Variants in SCML4 observed in about 807,000 individuals in gnomAD.
SCML4 encodes sex comb on midleg-like protein 4.
A neutral mutation model predicts 41.1 loss-of-function variants in SCML4; 34 were observed. The ratio of observed to expected loss-of-function variants is 0.83; its 90% CI spans 0.63 to 1.10. The LOEUF (loss-of-function observed/expected upper bound fraction) is 1.10, where lower values mean the gene tolerates loss of function less well. Among genes scored for constraint, SCML4 ranks in the 50% least tolerant of loss-of-function variants. The probability of loss-of-function intolerance (pLI) is 0.00; values close to 1 mark genes in which losing one functional copy is unlikely to be tolerated. For synonymous variants in SCML4, 214 were observed against 220.9 expected (o/e 0.97, Z 0.28); for missense variants, 522 against 534.1 (o/e 0.98, Z 0.22).
chr6:107,785,723 G>C (rs1253376015), intron 1 of SCML4, among the ~76,000 whole-genome samples: 5 of 152,230 alleles, frequency 3.3e-5, no homozygotes, highest in African/African-American at 1.2e-4. Context: ...TAAATAGCTA[G>C]TAAGGGAGAG....
chr6:107,823,299 C>A (rs1785081746), intron 1 of SCML4, among the ~76,000 whole-genome samples: 1 of 152,156 alleles, frequency 6.6e-6, no homozygotes, highest in Non-Finnish European at 1.5e-5. Flanking sequence ...GACTCAAGCA[C>A]CTCAACTCAG....
At chr6:107,780,979 A>C (rs1781445629) in intron 1 of SCML4, among the ~76,000 whole-genome samples, 1 of 152,104 alleles carries the variant, frequency 6.6e-6, no homozygotes. Context: ...TTTATATTCA[A>C]AAGACTTAAA....
chr6:107,776,372 T>G (rs1185086342), intron 1 of SCML4, among the ~76,000 whole-genome samples: 1 of 151,676 alleles, frequency 6.6e-6, no homozygotes, highest in East Asian at 1.9e-4. Flanking sequence ...ACCCACCCAA[T>G]AAAAGTGAAA....
chr6:107,726,167 G>A (rs796695796), intron 5 of SCML4, among the ~76,000 whole-genome samples: 16 of 151,910 alleles, frequency 1.1e-4, no homozygotes, highest in African/African-American at 3.6e-4. Flanking sequence ...ATTTGATCAG[G>A]GACTTGTATA....
At chr6:107,768,795 A>G (rs1476171750) in intron 2 of SCML4, among the ~76,000 whole-genome samples, 1 of 152,248 alleles carries the variant, frequency 6.6e-6, no homozygotes, top group African/African-American at 2.4e-5. Flanking sequence ...TTGGGGACAA[A>G]CAACTACTTT....
At chr6:107,756,559 G>GGAATA (rs1319860895) in intron 2 of SCML4, among the ~76,000 whole-genome samples, 2 of 151,946 alleles carry the variant, frequency 1.3e-5, no homozygotes, top group African/African-American at 4.8e-5. Flanking sequence ...ATGGGATCCT[G>GGAATA]GAATAGAATA....
At chr6:107,729,834 G>T (rs1385313306) in intron 5 of SCML4, among the ~76,000 whole-genome samples, 1 of 152,188 alleles carries the variant, frequency 6.6e-6, no homozygotes, top group Non-Finnish European at 1.5e-5. Context: ...TTCAGGCAGG[G>T]TGTTGTCTAG....
intron 1 of SCML4, among the ~76,000 whole-genome samples, chr6:107,774,984 G>A (rs1163810547): frequency 6.6e-6 from 1 of 150,922 alleles, no homozygotes; most frequent in East Asian, 1.9e-4. Flanking sequence ...GTGACAGAGT[G>A]AGACTCCATC....
At chr6:107,766,816 TTG>T (rs769760009) in intron 2 of SCML4, among the ~76,000 whole-genome samples, 1 of 152,164 alleles carries the variant, frequency 6.6e-6, no homozygotes, top group Non-Finnish European at 1.5e-5. Context: ...GGCCCCTGCC[TTG>T]TGACTGTGTC....
Position 107,772,155 on chromosome 6 carries a change from A to G in SCML4, c.156+17T>C, listed in dbSNP as rs147650245. On this transcript the variant is annotated intron_variant, in intron 2 of 7. Coordinates refer to ENST00000369020, the MANE Select transcript of SCML4 (RefSeq NM_198081.5). The stretch of plus-strand genomic sequence containing the variant: ...CAGCCCAATACCACTTTGGAGAAGG[A>G]GATGATGGAGCCGTACCTTGTACCC... 7.7e-5 allele frequency: 119 copies of G among 1,540,716 alleles called. No homozygotes were observed. The African/African-American group carries it at 1.5e-3, about 20-fold the overall frequency.
chr6:107,841,536 T>A, the SCML4 span, among the ~76,000 whole-genome samples: 1 of 152,178 alleles, frequency 6.6e-6, no homozygotes, highest in Non-Finnish European at 1.5e-5. Context: ...CTGCCTGGAC[T>A]CAAATCCAGG....
chr6:107,778,421 G>A (rs571249125), intron 1 of SCML4, among the ~76,000 whole-genome samples: 21 of 151,298 alleles, frequency 1.4e-4, no homozygotes, highest in African/African-American at 5.1e-4. Flanking sequence ...AAAAGAGTCT[G>A]TCCCTAAAAC....
chr6:107,767,042 C>T (rs1269114312), intron 2 of SCML4, among the ~76,000 whole-genome samples: 2 of 151,656 alleles, frequency 1.3e-5, no homozygotes, highest in East Asian at 3.8e-4. Context: ...CCTCCGACTC[C>T]CTGGTTCAAG....
intron 2 of SCML4, among the ~76,000 whole-genome samples, chr6:107,767,551 T>C (rs1423469229): frequency 6.6e-6 from 1 of 152,190 alleles, no homozygotes; most frequent in African/African-American, 2.4e-5. Flanking sequence ...CAATCCAACG[T>C]ACTGAAGGAT....
chr6:107,727,930 A>C (rs923956321), intron 5 of SCML4, among the ~76,000 whole-genome samples: 1 of 152,270 alleles, frequency 6.6e-6, no homozygotes, highest in Non-Finnish European at 1.5e-5. Flanking sequence ...AGGAAGCTAC[A>C]TGCAGTATCT....
chr6:107,817,631 AAAAAG>A (rs869150365), intron 1 of SCML4, among the ~76,000 whole-genome samples: 1,385 of 101,510 alleles, frequency 0.014, 63 homozygotes, highest in African/African-American at 0.052. Flanking sequence ...AAAAAAAAAA[AAAAAG>A]AAAAAAAAAA....
intron 5 of SCML4, among the ~76,000 whole-genome samples, chr6:107,728,011 T>C (rs1259018128): frequency 6.6e-6 from 1 of 152,234 alleles, no homozygotes; most frequent in African/African-American, 2.4e-5. Flanking sequence ...CAATGTTAGC[T>C]GTAAGGCTGC....
chr6:107,768,370 C>T (rs183956958), intron 2 of SCML4, among the ~76,000 whole-genome samples: 1 of 152,324 alleles, frequency 6.6e-6, no homozygotes, highest in Non-Finnish European at 1.5e-5. Context: ...GTTACAGCAG[C>T]TGAATTTGTA....
chr6:107,790,658 G>A (rs1782255149), intron 1 of SCML4, among the ~76,000 whole-genome samples: 1 of 152,122 alleles, frequency 6.6e-6, no homozygotes. Context: ...AGGCCCTGAA[G>A]ATACAAAGGG....
Sources: gnomAD v4.1 joint callset for allele counts (sites outside exome capture counted in the v4.1 genomes callset) on GRCh38, gnomAD v4.1.1 for gene constraint, MANE v1.5 for transcripts, NCBI Gene and HGNC (gene_info 2026-07-23, HGNC 2026-07-21) for gene names.